The following TSPAN9 variants were observed in gnomAD, a reference collection of about 807,000 sequenced individuals.
TSPAN9 encodes tetraspanin 9, also known as tetraspanin-9.
A neutral mutation model predicts 31.0 loss-of-function variants in TSPAN9; 16 were observed. The ratio of observed to expected loss-of-function variants is 0.52; its 90% CI spans 0.35 to 0.78. The LOEUF is 0.78. TSPAN9 is among the 30% of genes least tolerant of loss of function. The pLI, the probability that TSPAN9 is intolerant of heterozygous loss-of-function variation, is 0.01. For missense variants in TSPAN9, 272 were observed against 312.5 expected (o/e 0.87, Z 0.98); for synonymous variants, 145 against 121.6 (o/e 1.19, Z -1.27).
chr12:3,224,289 G>A (rs2098386028), intron 3 of TSPAN9, among the ~76,000 whole-genome samples: 1 of 152,220 alleles, frequency 6.6e-6, no homozygotes, highest in Non-Finnish European at 1.5e-5. Context: ...CCGGGAGGCT[G>A]TGGATGACCG....
chr12:3,206,769 G>A (rs2098375474), intron 3 of TSPAN9, among the ~76,000 whole-genome samples: 1 of 152,122 alleles, frequency 6.6e-6, no homozygotes, highest in Non-Finnish European at 1.5e-5. Context: ...GATCATTACA[G>A]TTCTGAGTGG....
chr12:3,239,374 G>A (rs914306347), intron 3 of TSPAN9, among the ~76,000 whole-genome samples: 12 of 151,624 alleles, frequency 7.9e-5, no homozygotes, highest in Non-Finnish European at 1.3e-4. Flanking sequence ...AAAAGCACAC[G>A]CTGGCACACC....
At chr12:3,257,841 C>A (rs1262617543) in intron 3 of TSPAN9, among the ~76,000 whole-genome samples, 1 of 152,122 alleles carries the variant, frequency 6.6e-6, no homozygotes, top group Non-Finnish European at 1.5e-5. Flanking sequence ...CTGATTCATT[C>A]CTTCTGTTTC....
chr12:3,190,226 G>T (rs1423558504), intron 2 of TSPAN9, among the ~76,000 whole-genome samples: 1 of 152,220 alleles, frequency 6.6e-6, no homozygotes, highest in African/African-American at 2.4e-5. Context: ...AGGTTGCAGA[G>T]CGCCGTCCCA....
In TSPAN9 at chr12:3,147,267, G is replaced by T. The variant is rs1173856647; in HGVS notation, c.-17-53910G>T. Among the ~76,000 whole-genome samples, 1 of 152,140 alleles carries T rather than the reference G, an allele frequency of 6.6e-6. No individual in the cohort carries two copies. Among genetic ancestry groups the T allele is most frequent in the Non-Finnish European group, 1.5e-5 (1 of 68,032 alleles). ...GCAGGAGGCAGGGACCACGGTCCCT[G>T]CCCTGGGATGAGGAGCCCGCCAGGG... On this transcript the variant is annotated intron_variant, in intron 2 of 8. Transcript: ENST00000011898. This position sits in a 1 kb window ranked among gnomAD's most constrained non-coding sequence, Gnocchi z 4.3.
chr12:3,232,194 C>G (rs2098391089), intron 3 of TSPAN9, among the ~76,000 whole-genome samples: 1 of 152,078 alleles, frequency 6.6e-6, no homozygotes, highest in Admixed American at 6.5e-5. Flanking sequence ...CCCGTTCCTC[C>G]TATATGGTAA....
At chr12:3,121,311 G>A (rs2098324942) in intron 2 of TSPAN9, among the ~76,000 whole-genome samples, 1 of 150,250 alleles carries the variant, frequency 6.7e-6, no homozygotes, top group Non-Finnish European at 1.5e-5. Context: ...TTTGGGCGCA[G>A]CTGACATACT....
intron 1 of TSPAN9, among the ~76,000 whole-genome samples, chr12:3,083,215 C>T (rs946768872): frequency 6.6e-6 from 1 of 152,246 alleles, no homozygotes; most frequent in African/African-American, 2.4e-5. Flanking sequence ...ATATTGACCT[C>T]ATAGCGTACG....
rs561188128 is a variant in TSPAN9 at position 3,163,292 on chromosome 12, C to T, written c.-17-37885C>T. Among the ~76,000 whole-genome samples the T allele has an allele frequency of 3.9e-5, 6 of 152,358 alleles. No homozygotes were observed. In the East Asian group the frequency reaches 9.6e-4, roughly 24 times the overall value. On this transcript the variant is annotated intron_variant, in intron 2 of 8. Transcript: ENST00000011898. ...GCTTAAATGTCTTGTCTATAAGCCC[C>T]ATAATTGAATATGACAATCCCATCT...
intron 2 of TSPAN9, among the ~76,000 whole-genome samples, chr12:3,129,871 G>T (rs1369539387): frequency 2.0e-5 from 3 of 152,128 alleles, no homozygotes; most frequent in Non-Finnish European, 2.9e-5. Context: ...GCAGTGACGG[G>T]AGCCTGGCAG....
Position 3,284,535 on chromosome 12 carries a change from ACCGGAGCCACGGGAAGAAAGCAG to A in TSPAN9, c.*1426_*1448del, listed in dbSNP as rs1449675171. 3 of 152,884 alleles carry A rather than the reference ACCGGAGCCACGGGAAGAAAGCAG, an allele frequency of 2.0e-5. No individual in the cohort carries two copies. In the Admixed American group the frequency reaches 2.0e-4, roughly 10 times the overall value. The allele number at this position is 152,884 out of a possible 1,614,324, so 9.5% of individuals were successfully genotyped here. A position where few individuals can be genotyped will look rare whatever the true frequency, so the allele number is the denominator to read the frequency against. On this transcript the variant is annotated 3_prime_UTR_variant, in exon 9 of 9. Transcript: ENST00000011898. ...AAGAGAGGTCAGACTGGCTCTTGTT[ACCGGAGCCACGGGAAGAAAGCAG>A]CCGGAGTCACGCACGTGCAGAGCTG...
chr12:3,248,642 T>A (rs952880016), intron 3 of TSPAN9, among the ~76,000 whole-genome samples: 8 of 152,060 alleles, frequency 5.3e-5, no homozygotes, highest in African/African-American at 1.9e-4. Context: ...AGATCATATT[T>A]TTTTTTTTTG....
intron 3 of TSPAN9, among the ~76,000 whole-genome samples, chr12:3,256,395 A>G (rs1862345236): frequency 6.6e-6 from 1 of 152,240 alleles, no homozygotes; most frequent in South Asian, 2.1e-4. Flanking sequence ...AGTCGCAGCC[A>G]GCATGACGGA....
Position 3,112,676 on chromosome 12 carries a change from C to CTTTTTTTTT in TSPAN9, c.-18+28968_-18+28976dup, listed in dbSNP as rs765040711. ...TTATTCTCAATCTCATTTATTTTTG[C>CTTTTTTTTT]TTTTTTTTTTTTTTTTTTTGGAGAC... On this transcript the variant is annotated intron_variant, in intron 2 of 8. Transcript: ENST00000011898. Among the ~76,000 whole-genome samples the CTTTTTTTTT allele has an allele frequency of 5.6e-5, 5 of 88,514 alleles. 1 individual carries two copies. The highest frequency in any genetic ancestry group is 4.7e-5 in the African/African-American group (1 of 21,192). 58.1% of individuals were successfully genotyped at this position (88,514 alleles called of 152,430 possible).
At chr12:3,179,786 A>G (rs983038999) in intron 2 of TSPAN9, among the ~76,000 whole-genome samples, 2 of 152,200 alleles carry the variant, frequency 1.3e-5, no homozygotes, top group African/African-American at 4.8e-5. Flanking sequence ...GCAGGCGAGC[A>G]TGTTAAATCC....
intron 3 of TSPAN9, among the ~76,000 whole-genome samples, chr12:3,251,191 GGAGACTTGGTGGCATGTA>G (rs1235247177): frequency 1.3e-5 from 2 of 152,200 alleles, no homozygotes; most frequent in East Asian, 3.9e-4. Flanking sequence ...AGATGGCTGG[GGAGACTTGGTGGCATGTA>G]GAGCCCCAGC....
intron 3 of TSPAN9, among the ~76,000 whole-genome samples, chr12:3,204,694 T>C (rs2098374016): frequency 1.3e-5 from 2 of 152,176 alleles, no homozygotes; most frequent in African/African-American, 4.8e-5. Flanking sequence ...GTCTTCTGCA[T>C]CCCCTGCCCC....
rs2098369363 is a variant in TSPAN9 at position 3,198,837 on chromosome 12, A to ACACCAGCACAGGCCAC, written c.-17-2328_-17-2327insCCACCACCAGCACAGG. 5.3e-4 allele frequency among the ~76,000 whole-genome samples: 7 copies of ACACCAGCACAGGCCAC among 13,128 alleles called. No homozygotes were observed. The South Asian group carries it at 0.037, about 69-fold the overall frequency. The allele number at this position is 13,128 out of a possible 152,430, so 8.6% of individuals were successfully genotyped here. On this transcript the variant is annotated intron_variant, in intron 2 of 8. Coordinates refer to ENST00000011898, the MANE Select transcript of TSPAN9 (RefSeq NM_006675.5). ...GCACAGCTCACCACCAGCACAGGTCACACCAGCACAGGTCACCACCAGCAC... is the reference window on the plus strand; with the variant it reads ...GCACAGCTCACCACCAGCACAGGTCACACCAGCACAGGCCACCACCAGCACAGGTCACCACCAGCAC...
At chr12:3,269,162 G>A (rs541700495) in intron 3 of TSPAN9, among the ~76,000 whole-genome samples, 3 of 101,028 alleles carry the variant, frequency 3.0e-5, no homozygotes, top group Admixed American at 2.1e-4. Context: ...CCCTCTGTGC[G>A]TTCCTGCAGC....
Sources: allele counts gnomAD v4.1 joint callset (sites outside exome capture counted in the v4.1 genomes callset), GRCh38; gene constraint gnomAD v4.1.1; non-coding constraint Gnocchi (gnomAD v3.1); transcripts MANE v1.5; gene names NCBI Gene and HGNC (gene_info 2026-07-23, HGNC 2026-07-21).